CNTN5: variants seen among roughly 807,000 people sequenced by gnomAD.
CNTN5 encodes contactin-5.
A neutral mutation model predicts 129.1 loss-of-function variants in CNTN5; 77 were observed. The ratio of observed to expected loss-of-function variants is 0.60; its 90% CI spans 0.50 to 0.72. The LOEUF is 0.72. Among genes scored for constraint, CNTN5 ranks in the 30% least tolerant of loss-of-function variants. CNTN5 has a pLI of 0.00. For missense variants in CNTN5, 1,478 were observed against 1,328.8 expected (o/e 1.11, Z -1.75); for synonymous variants, 509 against 465.6 (o/e 1.09, Z -1.20).
At chr11:100,075,511 A>C (rs1429884396) in intron 13 of CNTN5, among the ~76,000 whole-genome samples, 1 of 152,188 alleles carries the variant, frequency 6.6e-6, no homozygotes, top group African/African-American at 2.4e-5. Flanking sequence ...ACTTAGAGAA[A>C]ACTCTTTTTA....
At chr11:100,107,216 A>G (rs1945472319) in intron 13 of CNTN5, among the ~76,000 whole-genome samples, 3 of 152,138 alleles carry the variant, frequency 2.0e-5, no homozygotes, top group African/African-American at 7.2e-5. Flanking sequence ...TCAGTAAATT[A>G]GAGTTTTATT....
chr11:100,333,007 A>G (rs921843621), intron 21 of CNTN5, among the ~76,000 whole-genome samples: 2 of 152,136 alleles, frequency 1.3e-5, no homozygotes, highest in Admixed American at 6.5e-5. Context: ...TCAAACTGTC[A>G]CTGTTTGCTG....
At chr11:99,765,326 T>C (rs1157226413) in intron 3 of CNTN5, among the ~76,000 whole-genome samples, 1 of 151,862 alleles carries the variant, frequency 6.6e-6, no homozygotes, top group African/African-American at 2.4e-5. Flanking sequence ...TATACATATA[T>C]ACACCATCAG....
chr11:99,839,353 G>T (rs548877955), intron 4 of CNTN5, among the ~76,000 whole-genome samples: 1 of 152,204 alleles, frequency 6.6e-6, no homozygotes, highest in East Asian at 1.9e-4. Flanking sequence ...AAATGACTCA[G>T]GATACTTCAG....
rs2138277080 is a variant in CNTN5, at chr11:100,145,509, A to G, written c.1581-45617A>G. ...GTCTGAACACACGGTTTGTATTTAAATGGAAACTGGGACTTGACAGGAGCC... is the reference window on the plus strand; with the variant it reads ...GTCTGAACACACGGTTTGTATTTAAGTGGAAACTGGGACTTGACAGGAGCC... On this transcript the variant is annotated intron_variant, in intron 13 of 24. Transcript: ENST00000524871. Among the ~76,000 whole-genome samples the G allele has an allele frequency of 1.3e-5, 2 of 152,292 alleles. 1 individual carries two copies. The highest frequency in any genetic ancestry group is 4.8e-5 in the African/African-American group (2 of 41,576).
intron 1 of CNTN5, among the ~76,000 whole-genome samples, chr11:99,317,634 A>T (rs1215949718): frequency 2.0e-5 from 3 of 152,182 alleles, no homozygotes; most frequent in Non-Finnish European, 4.4e-5. Context: ...CCTGAAAAGA[A>T]TATAACACTG....
At chr11:100,304,923 G>T (rs373648824) in intron 20 of CNTN5, among the ~76,000 whole-genome samples, 1 of 151,274 alleles carries the variant, frequency 6.6e-6, no homozygotes, top group South Asian at 2.1e-4. Flanking sequence ...TCAATAAATG[G>T]CAATTATTAG....
chr11:100,166,811 A>C, intron 13 of CNTN5, among the ~76,000 whole-genome samples: 1 of 151,830 alleles, frequency 6.6e-6, no homozygotes, highest in East Asian at 1.9e-4. Flanking sequence ...CAGATATCTA[A>C]ATTAAAAAGG....
intron 3 of CNTN5, among the ~76,000 whole-genome samples, chr11:99,803,849 T>C (rs904660690): frequency 1.3e-5 from 2 of 152,182 alleles, no homozygotes; most frequent in African/African-American, 4.8e-5. Context: ...TCCTTCACTT[T>C]TCTGGTGGAT....
intron 3 of CNTN5, among the ~76,000 whole-genome samples, chr11:99,559,174 G>A (rs1756578623): frequency 6.6e-6 from 1 of 151,904 alleles, no homozygotes; most frequent in South Asian, 2.1e-4. Flanking sequence ...ACATTATAGG[G>A]CCTATTTGGC....
intron 3 of CNTN5, among the ~76,000 whole-genome samples, chr11:99,655,761 A>C (rs1952333106): frequency 6.6e-6 from 1 of 152,108 alleles, no homozygotes; most frequent in Non-Finnish European, 1.5e-5. Flanking sequence ...GTATATACGC[A>C]CACACATATC....
intron 16 of CNTN5, among the ~76,000 whole-genome samples, chr11:100,244,063 CA>C (rs1193014017): frequency 2.7e-5 from 4 of 150,414 alleles, no homozygotes; most frequent in Admixed American, 1.3e-4. Context: ...ACCTCCAGTT[CA>C]AAAAAAAATG....
chr11:100,262,478 G>T (rs569697736), intron 17 of CNTN5, among the ~76,000 whole-genome samples: 110 of 152,220 alleles, frequency 7.2e-4, no homozygotes, highest in African/African-American at 1.9e-3. Context: ...GTACTATAAA[G>T]ACACATGAAC....
chr11:100,235,259 C>A (rs1949584332), intron 16 of CNTN5, among the ~76,000 whole-genome samples: 1 of 152,150 alleles, frequency 6.6e-6, no homozygotes, highest in Non-Finnish European at 1.5e-5. Flanking sequence ...CTGTGACTGT[C>A]ACCTAGACTG....
chr11:99,941,140 T>A (rs911487159), intron 7 of CNTN5, among the ~76,000 whole-genome samples: 3 of 152,086 alleles, frequency 2.0e-5, no homozygotes, highest in African/African-American at 7.2e-5. Flanking sequence ...CCTCTATAAA[T>A]TTTATTTATG....
intron 21 of CNTN5, chr11:100,337,026 T>C: frequency 1.1e-6 from 1 of 902,952 alleles, no homozygotes; most frequent in Non-Finnish European, 1.9e-6. Flanking sequence ...TTTCTGCCAC[T>C]TTGATTGATG....
At chr11:99,882,428 T>G (rs1565635310) in intron 6 of CNTN5, among the ~76,000 whole-genome samples, 1 of 152,068 alleles carries the variant, frequency 6.6e-6, no homozygotes, top group South Asian at 2.1e-4. Flanking sequence ...TAAAAGAGAT[T>G]TGGTTTAAAA....
At chr11:99,042,362 C>CTTTTTTTTTT (rs1442841983) in intron 1 of CNTN5, among the ~76,000 whole-genome samples, 8 of 120,736 alleles carry the variant, frequency 6.6e-5, no homozygotes, top group African/African-American at 2.3e-4. Context: ...CCTTCTTCTT[C>CTTTTTTTTTT]TTCTTTTTTT....
At chr11:99,094,877 G>T (rs1184048918) in intron 1 of CNTN5, among the ~76,000 whole-genome samples, 5 of 151,740 alleles carry the variant, frequency 3.3e-5, no homozygotes, top group African/African-American at 1.2e-4. Context: ...AAAGTATATT[G>T]TTCTTAATAT....
Sources: allele counts gnomAD v4.1 joint callset (sites outside exome capture counted in the v4.1 genomes callset), GRCh38; gene constraint gnomAD v4.1.1; transcripts MANE v1.5; gene names NCBI Gene and HGNC (gene_info 2026-07-23, HGNC 2026-07-21).